PPP2R5C: variants seen among roughly 807,000 people sequenced by gnomAD.
The protein encoded by PPP2R5C is protein phosphatase 2 regulatory subunit B'gamma.
Under a neutral mutation model 68.9 loss-of-function variants are expected in PPP2R5C, and 7 were observed. That is an observed-to-expected ratio of 0.10 (90% confidence interval 0.06 to 0.19). The LOEUF (loss-of-function observed/expected upper bound fraction) is 0.19, where lower values mean the gene tolerates loss of function less well. Ranked by LOEUF, PPP2R5C falls within the 10% of genes least tolerant of loss-of-function variation. PPP2R5C has a pLI of 1.00. For synonymous variants in PPP2R5C, 210 were observed against 222.2 expected (o/e 0.95, Z 0.49); for missense variants, 348 against 641.3 (o/e 0.54, Z 4.94).
At chr14:101,871,736 C>T (rs2043432008) in intron 2 of PPP2R5C, among the ~76,000 whole-genome samples, 1 of 151,154 alleles carries the variant, frequency 6.6e-6, no homozygotes, top group African/African-American at 2.4e-5. Flanking sequence ...TTTTATGATT[C>T]CCTTCTATCT....
rs968404129 is a variant in PPP2R5C, at chr14:101,816,226, C to T, written c.94+6190C>T. Among the ~76,000 whole-genome samples, 11 of 152,308 alleles carry T rather than the reference C, an allele frequency of 7.2e-5. No homozygotes were observed. The East Asian group carries it at 1.5e-3, about 21-fold the overall frequency. On this transcript the variant is annotated intron_variant, in intron 1 of 13. Coordinates refer to ENST00000334743, the Ensembl canonical transcript of PPP2R5C. Reference sequence around the variant, plus strand: ...GAAAGAGCGACACAGGTGCCCACTCCACTCTAGGCCTTGCTCAGGCGCTGT... The same window carrying T: ...GAAAGAGCGACACAGGTGCCCACTCTACTCTAGGCCTTGCTCAGGCGCTGT...
chr14:101,808,897 C>T (rs1041963785), upstream of PPP2R5C, among the ~76,000 whole-genome samples: 2 of 152,186 alleles, frequency 1.3e-5, no homozygotes, highest in Admixed American at 1.3e-4. Flanking sequence ...CACCGCACCC[C>T]CTCATGGGAT....
intron 2 of PPP2R5C, among the ~76,000 whole-genome samples, chr14:101,763,549 A>ATT (rs2036677925): frequency 3.9e-5 from 6 of 151,934 alleles, no homozygotes; most frequent in Non-Finnish European, 7.4e-5. Context: ...CGCCCGGCTA[A>ATT]TTTTTGTATT....
At position 101,762,962 on chromosome 14, in the gene PPP2R5C, G is replaced by T; in HGVS notation, c.85G>T (p.Glu29Ter). 6.4e-7 allele frequency: 1 copy of T among 1,574,702 alleles called. No individual in the cohort carries two copies. The highest frequency in any genetic ancestry group is 1.2e-5 in the South Asian group (1 of 85,678). Residue 29 changes from glutamate (E) to a stop codon, truncating the protein, a stop_gained, in exon 2 of 15, where the codon GAA (glutamate) becomes TAA (stop). Coordinates refer to the PPP2R5C transcript ENST00000328724. LOFTEE classifies it high-confidence loss of function. ...TTCAAAAGAAGGACAAGACACAGTAGAATCAGAGGTAACTGTCATCAAATA... is the reference window on the plus strand; with the variant it reads ...TTCAAAAGAAGGACAAGACACAGTATAATCAGAGGTAACTGTCATCAAATA...
chr14:101,923,222 TA>T (rs765194794), intron 13 of PPP2R5C, among the ~76,000 whole-genome samples: 3 of 152,220 alleles, frequency 2.0e-5, no homozygotes, highest in Non-Finnish European at 4.4e-5. Context: ...TTAAAATGTC[TA>T]AGCAGAAAGG....
At position 101,901,681 on chromosome 14, in the gene PPP2R5C, G is replaced by A. The variant is rs367586323; in HGVS notation, c.853-38G>A. The A allele has an allele frequency of 5.9e-5, 95 of 1,604,760 alleles. 1 individual carries two copies. The highest frequency in any genetic ancestry group is 4.0e-4 in the African/African-American group (30 of 74,580). On this transcript the variant is annotated intron_variant, in intron 8 of 13. Coordinates refer to ENST00000334743, the Ensembl canonical transcript of PPP2R5C. ...CTTACCATGCAGGTGTTGGGGCCTC[G>A]TGGGCATCAGTCACTCCACGTGTCA...
At chr14:101,847,824 A>G (rs920232072) in intron 1 of PPP2R5C, among the ~76,000 whole-genome samples, 1 of 151,878 alleles carries the variant, frequency 6.6e-6, no homozygotes, top group African/African-American at 2.4e-5. Context: ...CACCACACCC[A>G]GCTAATTTTT....
At chr14:101,799,937 C>T (rs543394201) in intron 3 of PPP2R5C, among the ~76,000 whole-genome samples, 87 of 152,352 alleles carry the variant, frequency 5.7e-4, no homozygotes, top group African/African-American at 2.0e-3. Context: ...ATTCTCCCTG[C>T]AGTGACTTAA....
Position 101,801,141 on chromosome 14 carries a change from A to G in PPP2R5C, c.259+14958A>G, listed in dbSNP as rs571385977. On this transcript the variant is annotated intron_variant, in intron 3 of 14. Coordinates refer to the PPP2R5C transcript ENST00000328724. Reference sequence around the variant, plus strand: ...CAGAAGGAATAAGTTCTAGAATTCAAGAGTACAGTAGGGGAATTGTAGTTA... The same window carrying G: ...CAGAAGGAATAAGTTCTAGAATTCAGGAGTACAGTAGGGGAATTGTAGTTA... 3.9e-5 allele frequency among the ~76,000 whole-genome samples: 6 copies of G among 152,354 alleles called. No individual in the cohort carries two copies. The East Asian group carries it at 1.2e-3, about 29-fold the overall frequency.
chr14:101,868,181 T>C (rs1398534411), intron 2 of PPP2R5C, among the ~76,000 whole-genome samples: 6 of 152,242 alleles, frequency 3.9e-5, no homozygotes, highest in African/African-American at 1.2e-4. Flanking sequence ...CATTGACCAA[T>C]GGAGTTGCAG....
chr14:101,901,039 A>G (rs181348090), intron 8 of PPP2R5C, among the ~76,000 whole-genome samples: 38 of 152,310 alleles, frequency 2.5e-4, no homozygotes, highest in African/African-American at 8.4e-4. Context: ...ACTCCTTTTG[A>G]TATATTTTAA....
intron 1 of PPP2R5C, chr14:101,836,525 A>G (rs988351909): frequency 2.9e-5 from 17 of 582,758 alleles, no homozygotes; most frequent in Non-Finnish European, 4.9e-5. Flanking sequence ...TTTTCAAAAT[A>G]TTGTTTAGAC....
chr14:101,815,817 ATG>A (rs1566862640), intron 1 of PPP2R5C, among the ~76,000 whole-genome samples: 1 of 152,062 alleles, frequency 6.6e-6, no homozygotes, highest in Non-Finnish European at 1.5e-5. Context: ...TTACAGGTGC[ATG>A]CCACCACGCC....
chr14:101,815,795 G>C (rs1355087417), intron 1 of PPP2R5C, among the ~76,000 whole-genome samples: 1 of 152,056 alleles, frequency 6.6e-6, no homozygotes, highest in Non-Finnish European at 1.5e-5. Context: ...TCAGCCTCCC[G>C]AGTAGCTGGG....
In PPP2R5C at chr14:101,879,674, G is replaced by A. The variant is rs575427439; in HGVS notation, c.295-2487G>A. ...CAGCTCTAACCCACCGAAGAACAAA[G>A]TGCCATCTCCCTTTCCTGAAGGTGA... On this transcript the variant is annotated intron_variant, in intron 2 of 13. Transcript: ENST00000334743. The surrounding 1 kb of genome is among the most constrained non-coding windows in gnomAD (Gnocchi z 4.2). Among the ~76,000 whole-genome samples, 13 of 152,284 alleles carry A rather than the reference G, an allele frequency of 8.5e-5. No homozygotes were observed. The South Asian group carries it at 2.5e-3, about 29-fold the overall frequency.
At chr14:101,774,211 G>A (rs2037299972) in intron 2 of PPP2R5C, among the ~76,000 whole-genome samples, 1 of 152,234 alleles carries the variant, frequency 6.6e-6, no homozygotes, top group Non-Finnish European at 1.5e-5. Context: ...CTTGTCATCT[G>A]ACCACTTGCT....
At chr14:101,798,692 T>G (rs61994031) in intron 3 of PPP2R5C, among the ~76,000 whole-genome samples, 20,981 of 152,300 alleles carry the variant, frequency 0.14, 1,598 homozygotes, top group Admixed American at 0.19. Context: ...CTGTGGCCTT[T>G]TTGGCCCATT....
intron 7 of PPP2R5C, 71 bp downstream of exon 9, chr14:101,893,179 C>A (rs928519194): frequency 4.7e-6 from 5 of 1,061,900 alleles, no homozygotes; most frequent in Non-Finnish European, 7.1e-6. Flanking sequence ...GATAGTGAAT[C>A]CGGCCTTGAC....
In PPP2R5C at chr14:101,906,281, AAAT is replaced by A. The variant is rs1211449025; in HGVS notation, c.1024-117_1024-115del. 18 of 1,109,120 alleles carry A rather than the reference AAAT, an allele frequency of 1.6e-5. No homozygotes were observed. Among genetic ancestry groups the A allele is most frequent in the Non-Finnish European group, 2.1e-5 (17 of 793,142 alleles). The allele number at this position is 1,109,120 out of a possible 1,614,324, so 68.7% of individuals were successfully genotyped here. ...AGTCTAGAATATTTTGAATTTGTAGAAATAATCATAATTTTCTGGTCCAAGGTA... is the reference window on the plus strand; with the variant it reads ...AGTCTAGAATATTTTGAATTTGTAGAAATCATAATTTTCTGGTCCAAGGTA... On this transcript the variant is annotated intron_variant, in intron 9 of 13. Coordinates refer to ENST00000334743, the Ensembl canonical transcript of PPP2R5C. The surrounding 1 kb of genome is among the most constrained non-coding windows in gnomAD (Gnocchi z 4.0).
Sources: gnomAD v4.1 joint callset for allele counts (sites outside exome capture counted in the v4.1 genomes callset) on GRCh38, gnomAD v4.1.1 for gene constraint, Gnocchi (gnomAD v3.1) non-coding constraint, MANE v1.5 for transcripts, NCBI Gene and HGNC (gene_info 2026-07-23, HGNC 2026-07-21) for gene names.